The following BTBD7 variants were observed in gnomAD, a reference collection of about 807,000 sequenced individuals.
The protein encoded by BTBD7 is BTB domain containing 7, also known as BTB/POZ domain-containing protein 7.
In BTBD7, 38 loss-of-function variants were observed where a neutral mutation model predicts 99.9. That is an observed-to-expected ratio of 0.38 (90% CI 0.29 to 0.50). The LOEUF (loss-of-function observed/expected upper bound fraction) is 0.50. Ranked by LOEUF, BTBD7 falls within the 20% of genes least tolerant of loss-of-function variation. The pLI, the probability that BTBD7 is intolerant of heterozygous loss-of-function variation, is 0.93. For missense variants in BTBD7, 1,170 were observed against 1,394.6 expected (o/e 0.84, Z 2.57); for synonymous variants, 520 against 511.4 (o/e 1.02, Z -0.23).
chr14:93,308,091 G>A (rs1357522807), intron 1 of BTBD7, among the ~76,000 whole-genome samples: 5 of 151,914 alleles, frequency 3.3e-5, no homozygotes, highest in Admixed American at 1.3e-4. Flanking sequence ...TCAGGAGATC[G>A]AGACCATCCT....
chr14:93,323,354 C>T (rs2053291557), intron 1 of BTBD7, among the ~76,000 whole-genome samples: 1 of 152,174 alleles, frequency 6.6e-6, no homozygotes, highest in South Asian at 2.1e-4. Context: ...CTCTTCTTCC[C>T]CATCCTTCCT....
At chr14:93,266,848 AT>A (rs1194036369) in intron 3 of BTBD7, among the ~76,000 whole-genome samples, 1 of 152,266 alleles carries the variant, frequency 6.6e-6, no homozygotes, top group Non-Finnish European at 1.5e-5. Flanking sequence ...CCACATTTAT[AT>A]CCACATATAG....
intron 1 of BTBD7, among the ~76,000 whole-genome samples, chr14:93,315,039 C>A (rs941994632): frequency 6.6e-6 from 1 of 152,068 alleles, no homozygotes; most frequent in African/African-American, 2.4e-5. Flanking sequence ...TTAAATTTTT[C>A]ATATAGACAA....
At chr14:93,269,160 T>C (rs1166966597) in intron 3 of BTBD7, among the ~76,000 whole-genome samples, 2 of 152,166 alleles carry the variant, frequency 1.3e-5, no homozygotes, top group South Asian at 2.1e-4. Flanking sequence ...CATGGTGATA[T>C]TAACTCAAAA....
rs1311129303 is a variant in BTBD7 at position 93,332,851 on chromosome 14, G to A, written c.-138C>T. The A allele has an allele frequency of 6.8e-7, 1 of 1,476,982 alleles. No individual in the cohort carries two copies. Among genetic ancestry groups the A allele is most frequent in the Non-Finnish European group, 8.9e-7 (1 of 1,120,042 alleles). 91.5% of individuals were successfully genotyped at this position (1,476,982 alleles called of 1,614,324 possible). A position where few individuals can be genotyped will look rare whatever the true frequency, so the allele number is the denominator to read the frequency against. The stretch of plus-strand genomic sequence containing the variant: ...GGCTCCTCCCGCCGCTGCTGCTGCC[G>A]CTGGGACCGCTGCCGTCGCCTCCGC... On this transcript the variant is annotated 5_prime_UTR_variant, in exon 1 of 11. Transcript: ENST00000334746.
intron 1 of BTBD7, among the ~76,000 whole-genome samples, chr14:93,318,949 G>A (rs1334980206): frequency 6.6e-6 from 1 of 152,188 alleles, no homozygotes; most frequent in Non-Finnish European, 1.5e-5. Flanking sequence ...AGATGCGGGG[G>A]CTCACGCCTG....
In BTBD7 at chr14:93,288,697, T is replaced by C. The variant is rs764521069; in HGVS notation, c.1162+5161A>G. 6 of 1,608,088 alleles carry C rather than the reference T, an allele frequency of 3.7e-6. No individual in the cohort carries two copies. In the South Asian group the frequency reaches 6.6e-5, roughly 18 times the overall value. ...CTGCTGCACAGGCAGGCCTGATGACTGTAGTCTCCTCTGTAAAACAAATGG... is the reference window on the plus strand; with the variant it reads ...CTGCTGCACAGGCAGGCCTGATGACCGTAGTCTCCTCTGTAAAACAAATGG... On this transcript the variant is annotated intron_variant, in intron 3 of 10. Transcript: ENST00000334746.
intron 1 of BTBD7, among the ~76,000 whole-genome samples, chr14:93,302,496 A>G (rs767240841): frequency 3.9e-5 from 6 of 152,204 alleles, no homozygotes; most frequent in Admixed American, 1.3e-4. Flanking sequence ...ATGAATGGTC[A>G]TATCTCTAGC....
At chr14:93,265,002 T>A (rs190690463) in intron 3 of BTBD7, among the ~76,000 whole-genome samples, 16 of 152,254 alleles carry the variant, frequency 1.1e-4, no homozygotes, top group South Asian at 6.2e-4. Context: ...GGCAGGAGAA[T>A]CACTTGAACT....
intron 4 of BTBD7, among the ~76,000 whole-genome samples, chr14:93,262,729 C>T (rs976662571): frequency 9.2e-5 from 14 of 151,634 alleles, no homozygotes; most frequent in African/African-American, 2.7e-4. Flanking sequence ...CAATGTAGCC[C>T]TCATTTCTTT....
At chr14:93,324,008 T>C (rs1156616888) in intron 1 of BTBD7, among the ~76,000 whole-genome samples, 1 of 152,232 alleles carries the variant, frequency 6.6e-6, no homozygotes, top group Non-Finnish European at 1.5e-5. Context: ...CAAGCAATTA[T>C]AATACAGGGC....
At chr14:93,244,219 G>A (rs528440848) in intron 10 of BTBD7, 22 of 352,092 alleles carry the variant, frequency 6.2e-5, no homozygotes, top group African/African-American at 2.4e-4. Context: ...GGTTGAGTGC[G>A]CTGAGCTCAA....
chr14:93,295,902 G>C, intron 2 of BTBD7, 68 bp downstream of exon 2: 1 of 1,440,270 alleles, frequency 6.9e-7, no homozygotes, highest in East Asian at 2.3e-5. Context: ...GTCATCTACA[G>C]AGACTACCGA....
intron 1 of BTBD7, among the ~76,000 whole-genome samples, chr14:93,299,673 C>T (rs553136669): frequency 3.5e-3 from 345 of 99,846 alleles, no homozygotes; most frequent in African/African-American, 0.012. Context: ...GGGGTGGGGG[C>T]GGGGAATCAT....
chr14:93,313,935 C>T (rs1297201980), intron 1 of BTBD7, among the ~76,000 whole-genome samples: 7 of 151,318 alleles, frequency 4.6e-5, no homozygotes, highest in African/African-American at 4.9e-5. Flanking sequence ...TTGGTACAGA[C>T]GGGTCTCACT....
chr14:93,251,695 T>G, intron 7 of BTBD7, 43 bp from the exon 8 acceptor site: 1 of 1,429,228 alleles, frequency 7.0e-7, no homozygotes, highest in Non-Finnish European at 9.4e-7. Flanking sequence ...TCAACCTTCC[T>G]CTGTTAAATC....
At position 93,287,092 on chromosome 14, in the gene BTBD7, G is replaced by A. The variant is rs566659276; in HGVS notation, c.1162+6766C>T. Among the ~76,000 whole-genome samples, 156 of 152,154 alleles carry A rather than the reference G, an allele frequency of 1.0e-3. 1 individual carries two copies. The highest frequency in any genetic ancestry group is 2.9e-5 in the Non-Finnish European group (2 of 68,004). On this transcript the variant is annotated intron_variant, in intron 3 of 10. Coordinates refer to ENST00000334746, the MANE Select transcript of BTBD7 (RefSeq NM_001002860.4). ...AAAACACAAAAAATTAGCCGGGCAT[G>A]GTGGCAGGCACCTGTAATCCCAGCT...
chr14:93,247,726 T>G (rs1566834537), intron 9 of BTBD7, among the ~76,000 whole-genome samples: 2 of 152,228 alleles, frequency 1.3e-5, no homozygotes, highest in Non-Finnish European at 2.9e-5. Flanking sequence ...CCAGATGAAA[T>G]TAAATTTTAT....
At chr14:93,250,213 T>C (rs1488808237) in intron 8 of BTBD7, among the ~76,000 whole-genome samples, 1 of 152,162 alleles carries the variant, frequency 6.6e-6, no homozygotes, top group African/African-American at 2.4e-5. Flanking sequence ...AACAGGACCA[T>C]ACCTCATTAG....
Sources: gnomAD v4.1 joint callset for allele counts (sites outside exome capture counted in the v4.1 genomes callset) on GRCh38, gnomAD v4.1.1 for gene constraint, MANE v1.5 for transcripts, NCBI Gene and HGNC (gene_info 2026-07-23, HGNC 2026-07-21) for gene names.